NEXMIF: variants seen among roughly 807,000 people sequenced by gnomAD.
NEXMIF encodes XLMR protein related to neurite extension.
NEXMIF carries 8 observed loss-of-function variants against 62.1 expected under a neutral mutation model. That is an observed-to-expected ratio of 0.13 (90% confidence interval 0.08 to 0.23). The LOEUF is 0.23. Ranked by LOEUF, NEXMIF falls within the 10% of genes least tolerant of loss-of-function variation. The pLI is 1.00. For missense variants in NEXMIF, 976 were observed against 1,113.3 expected (o/e 0.88, Z 1.75); for synonymous variants, 404 against 416.6 (o/e 0.97, Z 0.37).
chrX:74,910,909 G>T (rs1401824120), intron 1 of NEXMIF, among the ~76,000 whole-genome samples: 3 of 111,653 alleles, frequency 2.7e-5, no homozygotes, highest in Admixed American at 1.9e-4. Context: ...ATGATTCTGA[G>T]GCCTCCCCAG....
chrX:74,883,341 C>G, intron 1 of NEXMIF, among the ~76,000 whole-genome samples: 1 of 111,156 alleles, frequency 9.0e-6, no homozygotes, highest in East Asian at 2.8e-4. Flanking sequence ...GAAGACCAAA[C>G]TACTCCGAGC....
intron 1 of NEXMIF, among the ~76,000 whole-genome samples, chrX:74,788,235 A>G (rs1437445628): frequency 8.9e-6 from 1 of 112,040 alleles, no homozygotes; most frequent in Non-Finnish European, 1.9e-5. Flanking sequence ...GCATCACTTC[A>G]GAGACTAAAT....
rs61741739 is a variant in NEXMIF at position 74,742,403 on chromosome X, A to G, written c.2154T>C (p.Asn718=). ...EFKGPERKVL[N]KIKFKSEARL... Reference sequence around the variant, plus strand: ...TAGCTTCACTTTTAAATTTGATTTTATTGAGCACTTTCCTCTCTGGCCCCT... The same window carrying G: ...TAGCTTCACTTTTAAATTTGATTTTGTTGAGCACTTTCCTCTCTGGCCCCT... Residue 718 remains asparagine (N), a synonymous_variant, in exon 3 of 4, where the codon AAT becomes AAC. Transcript: ENST00000055682. 6.5e-4 allele frequency: 785 copies of G among 1,209,645 alleles called. 3 individuals carry two copies. The African/African-American group carries it at 0.012, about 19-fold the overall frequency.
intron 1 of NEXMIF, among the ~76,000 whole-genome samples, chrX:74,860,867 A>T (rs2080554840): frequency 9.0e-6 from 1 of 111,677 alleles, no homozygotes; most frequent in Non-Finnish European, 1.9e-5. Context: ...CCAAACCCAA[A>T]ATTAGTAGAA....
intron 1 of NEXMIF, among the ~76,000 whole-genome samples, chrX:74,852,115 GA>G (rs2080516616): frequency 1.8e-5 from 2 of 110,788 alleles, no homozygotes; most frequent in Admixed American, 9.6e-5. Flanking sequence ...GTAAAGGGAT[GA>G]AAAAAAGATA....
intron 1 of NEXMIF, among the ~76,000 whole-genome samples, chrX:74,839,712 A>C (rs2080468070): frequency 8.9e-6 from 1 of 112,218 alleles, no homozygotes; most frequent in Non-Finnish European, 1.9e-5. Context: ...AATAGCCTCC[A>C]GCTCCATCCA....
chrX:74,868,441 C>T (rs945554021), intron 1 of NEXMIF, among the ~76,000 whole-genome samples: 1 of 111,541 alleles, frequency 9.0e-6, no homozygotes, highest in African/African-American at 3.3e-5. Flanking sequence ...GAATACTATG[C>T]AGGCATAAAA....
intron 1 of NEXMIF, among the ~76,000 whole-genome samples, chrX:74,873,734 G>A (rs1232980927): frequency 1.8e-5 from 2 of 112,189 alleles, no homozygotes; most frequent in Non-Finnish European, 3.8e-5. Flanking sequence ...GCATTTCTCT[G>A]ATGGCCAGTG....
At chrX:74,905,898 C>T (rs1365529805) in intron 1 of NEXMIF, among the ~76,000 whole-genome samples, 25 of 111,963 alleles carry the variant, frequency 2.2e-4, no homozygotes. Context: ...TTTCTTTTCC[C>T]TATTTTTCAA....
intron 1 of NEXMIF, among the ~76,000 whole-genome samples, chrX:74,802,257 C>G (rs992837764): frequency 3.6e-5 from 4 of 110,880 alleles, no homozygotes; most frequent in African/African-American, 9.9e-5. Context: ...TGTGTAAGAC[C>G]CAGTGTTGTG....
chrX:74,749,429 T>C (rs1419846180), intron 1 of NEXMIF, among the ~76,000 whole-genome samples: 2 of 110,921 alleles, frequency 1.8e-5, no homozygotes, highest in Admixed American at 9.6e-5. Flanking sequence ...TGCAAAACAC[T>C]CTCCTCAATC....
chrX:74,855,708 C>T (rs1039349381), intron 1 of NEXMIF, among the ~76,000 whole-genome samples: 1 of 111,981 alleles, frequency 8.9e-6, no homozygotes, highest in Non-Finnish European at 1.9e-5. Flanking sequence ...CTGTCAACTA[C>T]CTGCCTGAGC....
In NEXMIF at chrX:74,739,316, T is replaced by C. The variant is rs1602210178; in HGVS notation, c.*89A>G. The C allele has an allele frequency of 3.4e-6, 2 of 592,234 alleles. No homozygotes were observed. The highest frequency in any genetic ancestry group is 2.6e-6 in the Non-Finnish European group (1 of 387,031). The allele number at this position is 592,234 out of a possible 1,213,427, so 48.8% of individuals were successfully genotyped here. On this transcript the variant is annotated 3_prime_UTR_variant, in exon 4 of 4. Coordinates refer to ENST00000055682, the MANE Select transcript of NEXMIF (RefSeq NM_001008537.3). ...GATTAAAGTTTGCTCCAAAGACGTA[T>C]TCCCACAATTTAAAATTCTTTTCTT... is the stretch of plus-strand genomic sequence containing the variant.
At chrX:74,872,828 A>C (rs1444973910) in intron 1 of NEXMIF, among the ~76,000 whole-genome samples, 1 of 110,260 alleles carries the variant, frequency 9.1e-6, no homozygotes, top group Non-Finnish European at 1.9e-5. Context: ...AAAAATTTAA[A>C]AATAAACAAT....
At chrX:74,860,805 A>G (rs1347910124) in intron 1 of NEXMIF, among the ~76,000 whole-genome samples, 1 of 111,868 alleles carries the variant, frequency 8.9e-6, no homozygotes, top group Non-Finnish European at 1.9e-5. Flanking sequence ...AAGAAGAACA[A>G]CTTCAAATAA....
At chrX:74,839,744 C>T (rs2080468153) in intron 1 of NEXMIF, among the ~76,000 whole-genome samples, 1 of 112,363 alleles carries the variant, frequency 8.9e-6, no homozygotes, top group African/African-American at 3.2e-5. Flanking sequence ...AAGACATGAT[C>T]TTGTTCTTTT....
intron 1 of NEXMIF, among the ~76,000 whole-genome samples, chrX:74,867,831 A>C (rs1360576335): frequency 1.8e-5 from 2 of 112,331 alleles, no homozygotes; most frequent in South Asian, 7.3e-4. Flanking sequence ...ATAAACTATC[A>C]TCAGAGTGAA....
chrX:74,911,197 A>C (rs1234817270), intron 1 of NEXMIF, among the ~76,000 whole-genome samples: 1 of 111,534 alleles, frequency 9.0e-6, no homozygotes, highest in African/African-American at 3.3e-5. Flanking sequence ...AGGCGGGAAG[A>C]TCACCTGAAG....
At chrX:74,772,863 G>T (rs2080214714) in intron 1 of NEXMIF, among the ~76,000 whole-genome samples, 1 of 111,411 alleles carries the variant, frequency 9.0e-6, no homozygotes, top group Admixed American at 9.6e-5. Context: ...TTTTAAAAAG[G>T]CCCCTATTTC....
Sources: gnomAD v4.1 joint callset for allele counts (sites outside exome capture counted in the v4.1 genomes callset) on GRCh38, gnomAD v4.1.1 for gene constraint, MANE v1.5 for transcripts, NCBI Gene and HGNC (gene_info 2026-07-23, HGNC 2026-07-21) for gene names.